Variants in GBF1 observed in about 807,000 individuals in gnomAD.
GBF1 encodes golgi brefeldin A resistant guanine nucleotide exchange factor 1.
GBF1 carries 114 observed loss-of-function variants against 210.5 expected under a neutral mutation model. The ratio of observed to expected loss-of-function variants is 0.54; its 90% CI spans 0.47 to 0.63. The LOEUF (loss-of-function observed/expected upper bound fraction) is 0.63, where lower values mean the gene tolerates loss of function less well. Ranked by LOEUF, GBF1 falls within the 30% of genes least tolerant of loss-of-function variation. The pLI is 0.00. For synonymous variants in GBF1, 850 were observed against 889.2 expected, an observed-to-expected ratio of 0.96 and a Z score of 0.78; for missense variants, 1,851 against 2,357.7, an observed-to-expected ratio of 0.79 and a Z score of 4.45.
chr10:102,310,926 C>T (rs2078364236), intron 3 of GBF1, among the ~76,000 whole-genome samples: 1 of 152,182 alleles, frequency 6.6e-6, no homozygotes, highest in African/African-American at 2.4e-5. Context: ...TGATGCATCC[C>T]GCTGGATGGC....
At chr10:102,370,503 A>G (rs761349067) in intron 28 of GBF1, 25 bp downstream of exon 28, 2 of 1,557,198 alleles carry the variant, frequency 1.3e-6, no homozygotes, top group Non-Finnish European at 1.8e-6. Context: ...GTCTTTAGGC[A>G]GACCCCATGC....
intron 6 of GBF1, 25 bp from the exon 7 acceptor site, chr10:102,352,433 G>A: frequency 1.3e-6 from 2 of 1,529,410 alleles, no homozygotes; most frequent in Non-Finnish European, 1.8e-6. Flanking sequence ...AATGACACCT[G>A]TGTTATTTGT....
intron 5 of GBF1, 28 bp downstream of exon 5, chr10:102,351,402 C>A: frequency 8.4e-7 from 1 of 1,186,792 alleles, no homozygotes; most frequent in Non-Finnish European, 1.3e-6. Context: ...AGCAATTAGG[C>A]TAATGGCCAG....
intron 3 of GBF1, among the ~76,000 whole-genome samples, chr10:102,271,786 C>G (rs1268113891): frequency 1.3e-5 from 2 of 152,070 alleles, no homozygotes; most frequent in Non-Finnish European, 2.9e-5. Context: ...GAGTCCTGCT[C>G]TGTCCCCCAG....
At chr10:102,292,034 C>T (rs534306825) in intron 3 of GBF1, among the ~76,000 whole-genome samples, 3 of 151,768 alleles carry the variant, frequency 2.0e-5, no homozygotes, top group East Asian at 3.9e-4. Context: ...GGACTACAGG[C>T]GCCCACCACC....
intron 3 of GBF1, among the ~76,000 whole-genome samples, chr10:102,335,859 G>A (rs1473316689): frequency 6.6e-6 from 1 of 152,152 alleles, no homozygotes; most frequent in Non-Finnish European, 1.5e-5. Flanking sequence ...GGAGAAAGCT[G>A]AAGCCCTCAG....
chr10:102,332,540 T>G (rs561240443), intron 3 of GBF1, among the ~76,000 whole-genome samples: 1 of 152,176 alleles, frequency 6.6e-6, no homozygotes, highest in Non-Finnish European at 1.5e-5. Flanking sequence ...CGCACCACCA[T>G]GCCCAACTAA....
At chr10:102,290,714 A>G (rs537879294) in intron 3 of GBF1, among the ~76,000 whole-genome samples, 39 of 152,238 alleles carry the variant, frequency 2.6e-4, no homozygotes, top group South Asian at 4.1e-4. Flanking sequence ...CATGTTTCCC[A>G]GGCTAGTCTC....
intron 1 of GBF1, among the ~76,000 whole-genome samples, chr10:102,250,092 GT>G (rs11312135): frequency 0.66 from 100,098 of 152,068 alleles, 33,336 homozygotes; most frequent in African/African-American, 0.76. Flanking sequence ...AAGTCCATCA[GT>G]TTTTCTTGGT....
At position 102,368,252 on chromosome 10, in the gene GBF1, G is replaced by A; in HGVS notation, c.2677G>A (p.Gly893Ser). Residue 893 changes from glycine to serine, a missense_variant, in exon 22 of 40, where the codon GGC becomes AGC. This residue lies in a region of GBF1 where 967 missense variants were observed against 1,247.7 expected (regional missense o/e 0.78). Transcript: ENST00000369983. ...AATTGTAATGCCTGAGGAGCAGACA[G>A]GCTTGGTTCGGGAGAACTATGTGTG... ...EEIVMPEEQT[G>S]LVRENYVWNV... is the part of the protein sequence containing the mutation. 6.2e-7 allele frequency: 1 copy of A among 1,614,050 alleles called. No individual in the cohort carries two copies. Among genetic ancestry groups the A allele is most frequent in the Non-Finnish European group, 8.5e-7 (1 of 1,179,882 alleles).
upstream of GBF1, among the ~76,000 whole-genome samples, chr10:102,241,857 G>T (rs1233035497): frequency 6.6e-6 from 1 of 152,246 alleles, no homozygotes. The surrounding 1 kb of genome is among the most constrained non-coding windows in gnomAD (Gnocchi z 6.7). Context: ...CAGCGAAGTG[G>T]GTTGGGCCGC....
At chr10:102,359,498 C>A in intron 11 of GBF1, 63 bp downstream of exon 11, 4 of 1,260,626 alleles carry the variant, frequency 3.2e-6, no homozygotes, top group South Asian at 1.2e-5. Flanking sequence ...GCTGCCTGAG[C>A]CTAGACCGTC....
the GBF1 span, among the ~76,000 whole-genome samples, chr10:102,237,929 C>T: frequency 2.1e-4 from 32 of 151,862 alleles, no homozygotes; most frequent in Non-Finnish European, 4.4e-4. Flanking sequence ...CAGTAGGGGT[C>T]ACTGGAGGCT....
chr10:102,382,172 C>T lies in GBF1; in HGVS notation c.5419C>T (p.Pro1807Ser), dbSNP rs2060900035. 1 of 1,613,766 alleles carries T rather than the reference C, an allele frequency of 6.2e-7. No individual in the cohort carries two copies. The change falls in exon 40 of 40, where the codon CCC becomes TCC. Residue 1807 changes from proline to serine, a missense_variant. Physicochemically the swap from Pro to Ser is moderately conservative, Grantham distance 74. Around this residue, in one of 3 missense-constraint regions of GBF1, gnomAD observed 967 missense variants for 1,247.7 expected, o/e 0.78. Coordinates refer to ENST00000369983, the MANE Select transcript of GBF1 (RefSeq NM_001377137.1). ...TPDGPPPLAQ[P>S]PLILQPLASP... The stretch of plus-strand genomic sequence containing the variant: ...CGACGGGCCTCCACCCTTGGCTCAG[C>T]CCCCACTGATCCTGCAGCCCTTGGC...
At chr10:102,340,335 C>T (rs984920172) in intron 3 of GBF1, among the ~76,000 whole-genome samples, 17 of 145,974 alleles carry the variant, frequency 1.2e-4, no homozygotes, top group Non-Finnish European at 2.5e-4. Context: ...TGCAGTGGCA[C>T]GATCTCCGCT....
intron 4 of GBF1, among the ~76,000 whole-genome samples, chr10:102,350,443 C>G (rs2058878052): frequency 6.6e-6 from 1 of 152,088 alleles, no homozygotes; most frequent in Non-Finnish European, 1.5e-5. Flanking sequence ...TCCTGCTCCC[C>G]TAATTCAGTT....
Position 102,380,745 on chromosome 10 carries a change from C to G in GBF1, c.5173+59C>G, listed in dbSNP as rs948742940. ...TCTCCTGCCTGGGCACAATGGCTCACACCTCTAATCCCAGCACTTTGAGAG... is the reference window on the plus strand; with the variant it reads ...TCTCCTGCCTGGGCACAATGGCTCAGACCTCTAATCCCAGCACTTTGAGAG... On this transcript the variant is annotated intron_variant, in intron 38 of 39. Transcript: ENST00000369983. The G allele has an allele frequency of 1.7e-5, 24 of 1,380,194 alleles. No individual in the cohort carries two copies. In the African/African-American group the frequency reaches 2.9e-4, roughly 17 times the overall value. 85.5% of individuals were successfully genotyped at this position (1,380,194 alleles called of 1,614,324 possible).
intron 3 of GBF1, among the ~76,000 whole-genome samples, chr10:102,284,416 C>G (rs2075770187): frequency 6.6e-6 from 1 of 152,188 alleles, no homozygotes. Context: ...AGTTGCTCCA[C>G]ACTTTCCCTT....
intron 3 of GBF1, among the ~76,000 whole-genome samples, chr10:102,274,047 A>G (rs1269283345): frequency 6.6e-6 from 1 of 152,192 alleles, no homozygotes; most frequent in Non-Finnish European, 1.5e-5. Flanking sequence ...GTGGAAGTTC[A>G]ACAAATATTT....
Sources: gnomAD v4.1 joint callset for allele counts (sites outside exome capture counted in the v4.1 genomes callset) on GRCh38, gnomAD v4.1.1 for gene constraint, gnomAD v4.1.1 regional missense constraint, Gnocchi (gnomAD v3.1) non-coding constraint, MANE v1.5 for transcripts, NCBI Gene and HGNC (gene_info 2026-07-23, HGNC 2026-07-21) for gene names.